The following ASTN2 variants were observed in gnomAD, a reference collection of about 807,000 sequenced individuals.
The protein encoded by ASTN2 is astrotactin-2.
ASTN2 carries 54 observed loss-of-function variants against 139.8 expected under a neutral mutation model. The ratio of observed to expected loss-of-function variants is 0.39; its 90% CI spans 0.31 to 0.48. The LOEUF (loss-of-function observed/expected upper bound fraction) is 0.48. Among genes scored for constraint, ASTN2 ranks in the 20% least tolerant of loss-of-function variants. The probability of loss-of-function intolerance (pLI) is 0.95; values close to 1 mark genes in which losing one functional copy is unlikely to be tolerated. For synonymous variants in ASTN2, 756 were observed against 719.5 expected (o/e 1.05, Z -0.81); for missense variants, 1,565 against 1,725.1 (o/e 0.91, Z 1.64).
chr9:116,993,874 A>ATTTTTTT (rs200536593), intron 7 of ASTN2, among the ~76,000 whole-genome samples: 1 of 134,354 alleles, frequency 7.4e-6, no homozygotes, highest in African/African-American at 2.7e-5. Context: ...ATATATATAT[A>ATTTTTTT]TATTTTAACT....
At chr9:116,610,716 G>A (rs576845885) in intron 19 of ASTN2, among the ~76,000 whole-genome samples, 1 of 152,108 alleles carries the variant, frequency 6.6e-6, no homozygotes, top group African/African-American at 2.4e-5. Flanking sequence ...ACAGAAATAT[G>A]CAAGGTCATT....
chr9:116,471,779 C>T (rs10983184), intron 20 of ASTN2, among the ~76,000 whole-genome samples: 84,722 of 152,028 alleles, frequency 0.56, 24,909 homozygotes, highest in Non-Finnish European at 0.65. Context: ...ATTACTCTCA[C>T]TTTTTGGATG....
At chr9:117,396,795 A>G (rs185179758) in intron 1 of ASTN2, among the ~76,000 whole-genome samples, 1 of 151,992 alleles carries the variant, frequency 6.6e-6, no homozygotes, top group East Asian at 1.9e-4. Context: ...CAAGCTCCTG[A>G]CCTCAAGTGA....
chr9:117,018,817 T>A (rs1347657355), intron 6 of ASTN2, among the ~76,000 whole-genome samples: 1 of 152,170 alleles, frequency 6.6e-6, no homozygotes, highest in East Asian at 1.9e-4. Flanking sequence ...TGGGATTTTT[T>A]TTTACTACTG....
intron 16 of ASTN2, among the ~76,000 whole-genome samples, chr9:116,720,985 C>A (rs899011651): frequency 1.3e-5 from 2 of 152,142 alleles, no homozygotes; most frequent in Non-Finnish European, 2.9e-5. Flanking sequence ...CCACCCCTGC[C>A]CACACACATG....
chr9:116,831,210 G>T (rs1182424516), intron 11 of ASTN2, among the ~76,000 whole-genome samples: 2 of 152,166 alleles, frequency 1.3e-5, no homozygotes, highest in African/African-American at 2.4e-5. Flanking sequence ...AGAATGGAAG[G>T]GTGGGAAGAG....
At chr9:117,278,416 A>T (rs1050381957) in intron 2 of ASTN2, among the ~76,000 whole-genome samples, 1 of 152,112 alleles carries the variant, frequency 6.6e-6, no homozygotes, top group African/African-American at 2.4e-5. Context: ...ACACATTCAC[A>T]CTCACGCACA....
intron 5 of ASTN2, among the ~76,000 whole-genome samples, chr9:117,051,917 T>C (rs960679937): frequency 1.3e-5 from 2 of 151,994 alleles, no homozygotes; most frequent in Non-Finnish European, 1.5e-5. Flanking sequence ...CAATACCTCC[T>C]GGAAAAAAGA....
intron 1 of ASTN2, among the ~76,000 whole-genome samples, chr9:117,340,584 T>C (rs1470918007): frequency 1.3e-5 from 2 of 152,204 alleles, no homozygotes; most frequent in East Asian, 3.9e-4. Context: ...TTGGAGCCAG[T>C]AGAGCAGAAG....
At chr9:116,987,232 TC>T (rs1836713998) in intron 7 of ASTN2, among the ~76,000 whole-genome samples, 1 of 152,204 alleles carries the variant, frequency 6.6e-6, no homozygotes, top group South Asian at 2.1e-4. Context: ...GAGACAGACT[TC>T]CCCCTTGCTG....
At chr9:116,605,766 G>A (rs552584071) in intron 19 of ASTN2, among the ~76,000 whole-genome samples, 26 of 152,300 alleles carry the variant, frequency 1.7e-4, no homozygotes, top group Non-Finnish European at 3.5e-4. Context: ...CCACACAAGT[G>A]TCCTATATCC....
chr9:117,362,727 C>T (rs1829727486), intron 1 of ASTN2, among the ~76,000 whole-genome samples: 2 of 152,146 alleles, frequency 1.3e-5, no homozygotes, highest in African/African-American at 2.4e-5. Flanking sequence ...CCACTGTGCC[C>T]CATATCTGGG....
intron 5 of ASTN2, among the ~76,000 whole-genome samples, chr9:117,086,730 C>G (rs535211242): frequency 6.6e-6 from 1 of 152,128 alleles, no homozygotes; most frequent in Non-Finnish European, 1.5e-5. Context: ...TTCCCTGTAC[C>G]CATGTCCAGG....
At chr9:116,468,127 C>G (rs1848706377) in intron 20 of ASTN2, among the ~76,000 whole-genome samples, 1 of 152,192 alleles carries the variant, frequency 6.6e-6, no homozygotes, top group Admixed American at 6.5e-5. Context: ...TTGCTGTTAT[C>G]CCCACTGGAA....
At chr9:117,035,022 G>A (rs1314046374) in intron 6 of ASTN2, among the ~76,000 whole-genome samples, 3 of 152,088 alleles carry the variant, frequency 2.0e-5, no homozygotes, top group Non-Finnish European at 1.5e-5. Flanking sequence ...TGGAAGACAG[G>A]ACCCATTACT....
chr9:117,078,117 T>C (rs1021690475), intron 5 of ASTN2, among the ~76,000 whole-genome samples: 1 of 152,152 alleles, frequency 6.6e-6, no homozygotes, highest in Non-Finnish European at 1.5e-5. Flanking sequence ...ATAGAAATAA[T>C]ATTGTTTCTC....
chr9:116,767,364 A>T (rs150076972), intron 13 of ASTN2, among the ~76,000 whole-genome samples: 1 of 152,268 alleles, frequency 6.6e-6, no homozygotes, highest in East Asian at 1.9e-4. Flanking sequence ...GACGAGGGTG[A>T]TTGTTCAGGT....
chr9:116,944,456 G>C lies in ASTN2; in HGVS notation c.1889+30752C>G, dbSNP rs1835324862. ...AGCACTTTGGGAGGCCGAGGCAGGTGGATTACCTGAGGTCAAAAGTTTGAG... is the reference window on the plus strand; with the variant it reads ...AGCACTTTGGGAGGCCGAGGCAGGTCGATTACCTGAGGTCAAAAGTTTGAG... On this transcript the variant is annotated intron_variant, in intron 10 of 22. Transcript: ENST00000313400. Among the ~76,000 whole-genome samples the C allele has an allele frequency of 3.9e-5, 6 of 152,084 alleles. No individual in the cohort carries two copies. The South Asian group carries it at 1.2e-3, about 32-fold the overall frequency.
intron 5 of ASTN2, among the ~76,000 whole-genome samples, chr9:117,088,115 T>C (rs1828614747): frequency 6.6e-6 from 1 of 152,170 alleles, no homozygotes; most frequent in African/African-American, 2.4e-5. Flanking sequence ...GGATTACCTT[T>C]AGAGTGAAAC....
Sources: allele counts gnomAD v4.1 joint callset (sites outside exome capture counted in the v4.1 genomes callset), GRCh38; gene constraint gnomAD v4.1.1; transcripts MANE v1.5; gene names NCBI Gene and HGNC (gene_info 2026-07-23, HGNC 2026-07-21).